The following IDO2 variants were observed in gnomAD, a reference collection of about 807,000 sequenced individuals.
IDO2 encodes indoleamine 2,3-dioxygenase-like 1 protein.
Under a neutral mutation model 45.1 loss-of-function variants are expected in IDO2, and 46 were observed. That is an observed-to-expected ratio of 1.02 (90% CI 0.80 to 1.30). The LOEUF is 1.30. Among genes scored for constraint, IDO2 ranks in the 50% most tolerant of loss-of-function variants. IDO2 has a pLI of 0.00. For synonymous variants in IDO2, 218 were observed against 184.9 expected (o/e 1.18, Z -1.45); for missense variants, 544 against 491.8 (o/e 1.11, Z -1.00).
In IDO2 at chr8:39,961,203, G is replaced by A. The variant is rs370567268; in HGVS notation, c.100-2405G>A. Among the ~76,000 whole-genome samples the A allele has an allele frequency of 2.3e-4, 35 of 151,988 alleles. 1 individual carries two copies. Among genetic ancestry groups the A allele is most frequent in the African/African-American group, 8.4e-4 (35 of 41,472 alleles). On this transcript the variant is annotated intron_variant, in intron 2 of 10. Coordinates refer to ENST00000502986, the Ensembl canonical transcript of IDO2. ...CTGCCTTGTGAATATTCTCCATTGT[G>A]CTAATCTAGGCTTCTCCTTTCATTT... is the stretch of plus-strand genomic sequence containing the variant.
intron 6 of IDO2, chr8:39,986,358 C>T (rs983175417): frequency 4.6e-5 from 7 of 152,268 alleles, no homozygotes; most frequent in African/African-American, 1.2e-4. Context: ...CAGCTTCTAT[C>T]GCCAAACTCA....
chr8:40,015,139 A>G, intron 10 of IDO2, 108 bp from the exon 11 acceptor site: 1 of 676,712 alleles, frequency 1.5e-6, no homozygotes, highest in Non-Finnish European at 2.4e-6. Context: ...TGGGCAACAG[A>G]GCAAGATCTC....
intron 3 of IDO2, among the ~76,000 whole-genome samples, chr8:39,971,789 C>T (rs1468032282): frequency 6.6e-6 from 1 of 150,922 alleles, no homozygotes; most frequent in Non-Finnish European, 1.5e-5. Flanking sequence ...TGAGTTGCTG[C>T]AATCTTACGA....
At chr8:39,990,532 ATACT>A (rs1274738935) in intron 8 of IDO2, among the ~76,000 whole-genome samples, 1 of 152,246 alleles carries the variant, frequency 6.6e-6, no homozygotes, top group Admixed American at 6.5e-5. Context: ...ACACAAAAAA[ATACT>A]TACACAACGA....
At chr8:39,952,778 ATT>A (rs112631020) in intron 2 of IDO2, among the ~76,000 whole-genome samples, 4 of 147,432 alleles carry the variant, frequency 2.7e-5, no homozygotes, top group Non-Finnish European at 6.0e-5. Flanking sequence ...TGGAGTTCAG[ATT>A]TTTTTTTTTT....
At chr8:39,967,689 T>A (rs1314284243) in intron 3 of IDO2, among the ~76,000 whole-genome samples, 1 of 152,196 alleles carries the variant, frequency 6.6e-6, no homozygotes, top group Non-Finnish European at 1.5e-5. Context: ...GGTTTCACCA[T>A]GTTGGCCAGG....
chr8:39,999,815 A>G (rs1288066131), intron 8 of IDO2, among the ~76,000 whole-genome samples: 1 of 152,188 alleles, frequency 6.6e-6, no homozygotes, highest in Non-Finnish European at 1.5e-5. Flanking sequence ...AGAAAGGTCA[A>G]TTGTAAGCTT....
rs530693226 is a variant in IDO2 at position 39,982,333 on chromosome 8, G to C, written c.316-319G>C. 1.0e-3 allele frequency among the ~76,000 whole-genome samples: 155 copies of C among 151,674 alleles called. 3 individuals carry two copies. In the South Asian group the frequency reaches 0.031, roughly 31 times the overall value. ...CCGTTGATAATATTCTCGGGCCCCA[G>C]TTTATGTTTAATTGTTTTGGTAATG... On this transcript the variant is annotated intron_variant, in intron 4 of 10. Transcript: ENST00000502986.
In IDO2 at chr8:39,943,324, T is replaced by C. The variant is rs1306380136; in HGVS notation, c.-17-5825T>C. 3.3e-5 allele frequency among the ~76,000 whole-genome samples: 5 copies of C among 152,220 alleles called. No individual in the cohort carries two copies. The East Asian group carries it at 5.8e-4, about 18-fold the overall frequency. The stretch of plus-strand genomic sequence containing the variant: ...AGGTGGAGGTTGCAGTAAGCCGAGA[T>C]TGTGCCACTGTACTCCAGTCTGGAT... On this transcript the variant is annotated intron_variant, in intron 1 of 10. Coordinates refer to ENST00000502986, the Ensembl canonical transcript of IDO2.
At chr8:39,937,391 T>C (rs2129592828) in intron 1 of IDO2, among the ~76,000 whole-genome samples, 1 of 152,346 alleles carries the variant, frequency 6.6e-6, no homozygotes, top group Non-Finnish European at 1.5e-5. Context: ...TTTTCATCAA[T>C]TAAAACTTTA....
At chr8:39,959,923 G>A (rs150759444) in intron 2 of IDO2, among the ~76,000 whole-genome samples, 2 of 152,200 alleles carry the variant, frequency 1.3e-5, no homozygotes, top group East Asian at 3.9e-4. Flanking sequence ...AGGTTGCAGT[G>A]AGCTGAGATC....
chr8:39,981,048 G>A lies in IDO2; in HGVS notation c.316-1604G>A, dbSNP rs548919618. On this transcript the variant is annotated intron_variant, in intron 4 of 10. Transcript: ENST00000502986. ...ATTACAGGCATGGGCCCCAGCACCC[G>A]GCCAGTGCATTGCATTTTTTTTTTT... is the stretch of plus-strand genomic sequence containing the variant. Among the ~76,000 whole-genome samples, 308 of 145,750 alleles carry A rather than the reference G, an allele frequency of 2.1e-3. 2 individuals are homozygous for A. Among genetic ancestry groups the A allele is most frequent in the African/African-American group, 7.4e-3 (295 of 39,880 alleles).
intron 9 of IDO2, among the ~76,000 whole-genome samples, chr8:40,007,908 G>T (rs552028176): frequency 2.6e-4 from 39 of 152,204 alleles, no homozygotes; most frequent in African/African-American, 8.7e-4. Context: ...TTAGGTTGTT[G>T]TCAGAATTCA....
intron 5 of IDO2, 90 bp from the exon 6 acceptor site, chr8:39,985,418 A>G: frequency 7.8e-6 from 9 of 1,149,806 alleles, no homozygotes; most frequent in Non-Finnish European, 1.1e-5. Context: ...ATGTGACCCT[A>G]GAAGTTATTA....
chr8:39,950,623 C>T (rs1807800603), intron 2 of IDO2, among the ~76,000 whole-genome samples: 1 of 152,218 alleles, frequency 6.6e-6, no homozygotes. Flanking sequence ...GCACACCAAA[C>T]AAAGGAGACA....
At chr8:40,015,189 C>G (rs140263363) in intron 10 of IDO2, 58 bp from the exon 11 acceptor site, 1 of 990,798 alleles carries the variant, frequency 1.0e-6, no homozygotes, top group South Asian at 1.6e-5. Context: ...AAGAAGCAGA[C>G]GAGCTCTGCT....
At chr8:39,985,409 T>C in intron 5 of IDO2, 99 bp from the exon 6 acceptor site, 1 of 1,045,548 alleles carries the variant, frequency 9.6e-7, no homozygotes, top group Non-Finnish European at 1.4e-6. Flanking sequence ...CCTGTGGACA[T>C]GTGACCCTAG....
intron 8 of IDO2, among the ~76,000 whole-genome samples, chr8:39,991,771 A>G (rs886564164): frequency 2.6e-5 from 4 of 152,084 alleles, no homozygotes; most frequent in Non-Finnish European, 5.9e-5. Flanking sequence ...GGGTTTCGCC[A>G]TGTTGGCCAG....
intron 1 of IDO2, among the ~76,000 whole-genome samples, chr8:39,948,632 G>T (rs1439096451): frequency 1.3e-5 from 2 of 152,176 alleles, no homozygotes; most frequent in African/African-American, 4.8e-5. Flanking sequence ...GAAAAAAAGA[G>T]AACATGAGGA....
Sources: gnomAD v4.1 joint callset for allele counts (sites outside exome capture counted in the v4.1 genomes callset) on GRCh38, gnomAD v4.1.1 for gene constraint, MANE v1.5 for transcripts, NCBI Gene and HGNC (gene_info 2026-07-23, HGNC 2026-07-21) for gene names.